The following CHRM3 variants were observed in gnomAD, a reference collection of about 807,000 sequenced individuals.
CHRM3 encodes muscarinic acetylcholine receptor M3.
Under a neutral mutation model 41.8 loss-of-function variants are expected in CHRM3, and 11 were observed. The observed-to-expected ratio is 0.26, with a 90% CI of 0.17 to 0.44. CHRM3 has a LOEUF of 0.44. Ranked by LOEUF, CHRM3 falls within the 20% of genes least tolerant of loss-of-function variation. CHRM3 has a pLI of 1.00. For synonymous variants in CHRM3, 297 were observed against 301.4 expected (o/e 0.99, Z 0.15); for missense variants, 571 against 745.4 (o/e 0.77, Z 2.72).
At chr1:239,521,071 T>C (rs2148265283) in intron 2 of CHRM3, among the ~76,000 whole-genome samples, 1 of 152,370 alleles carries the variant, frequency 6.6e-6, no homozygotes, top group Non-Finnish European at 1.5e-5. Context: ...TATATTTTAT[T>C]ATTCAGATTT....
intron 5 of CHRM3, among the ~76,000 whole-genome samples, chr1:239,756,712 T>C (rs1201043008): frequency 2.0e-5 from 3 of 152,220 alleles, no homozygotes; most frequent in Non-Finnish European, 4.4e-5. Context: ...GTTTTGATTA[T>C]AGAACCATCG....
At chr1:239,584,755 G>A (rs1250887829) in intron 3 of CHRM3, among the ~76,000 whole-genome samples, 1 of 152,084 alleles carries the variant, frequency 6.6e-6, no homozygotes, top group Non-Finnish European at 1.5e-5. Flanking sequence ...CAAGTGTGGT[G>A]ACCATCTTCC....
At chr1:239,809,733 A>G (rs919175243) in intron 5 of CHRM3, among the ~76,000 whole-genome samples, 2 of 151,916 alleles carry the variant, frequency 1.3e-5, no homozygotes, top group African/African-American at 4.8e-5. Flanking sequence ...GCCTGGACTC[A>G]AGCTATCCTC....
intron 3 of CHRM3, among the ~76,000 whole-genome samples, chr1:239,618,702 G>T (rs1490046343): frequency 2.0e-5 from 3 of 150,758 alleles, no homozygotes; most frequent in Middle Eastern, 3.4e-3. Context: ...AAATTAGCTG[G>T]GCGTGGTGGC....
chr1:239,791,050 A>G (rs1463539078), intron 5 of CHRM3, among the ~76,000 whole-genome samples: 6 of 89,086 alleles, frequency 6.7e-5, no homozygotes, highest in South Asian at 6.9e-4. Flanking sequence ...GCTCCTGGAG[A>G]AAAAAAAAAA....
At chr1:239,426,389 A>G (rs924129540) in intron 1 of CHRM3, among the ~76,000 whole-genome samples, 1 of 151,370 alleles carries the variant, frequency 6.6e-6, no homozygotes, top group African/African-American at 2.4e-5. Context: ...AAATGCTACA[A>G]ATCAAGGCTT....
chr1:239,779,760 A>G (rs891019580), intron 5 of CHRM3, among the ~76,000 whole-genome samples: 2 of 152,114 alleles, frequency 1.3e-5, no homozygotes, highest in Non-Finnish European at 2.9e-5. Context: ...GAATAGTGTC[A>G]CCTAAAAATC....
chr1:239,833,567 G>A (rs1313987056), intron 6 of CHRM3, among the ~76,000 whole-genome samples: 1 of 152,138 alleles, frequency 6.6e-6, no homozygotes, highest in African/African-American at 2.4e-5. Flanking sequence ...GTATTCATGG[G>A]ATTTTGGCCT....
intron 5 of CHRM3, among the ~76,000 whole-genome samples, chr1:239,770,308 G>A (rs1432036221): frequency 6.6e-6 from 1 of 152,164 alleles, no homozygotes; most frequent in Non-Finnish European, 1.5e-5. Context: ...ATTTGGCTTT[G>A]TGGCCCTTTC....
chr1:239,416,329 C>G (rs1661500958), intron 1 of CHRM3, among the ~76,000 whole-genome samples: 1 of 151,638 alleles, frequency 6.6e-6, no homozygotes, highest in South Asian at 2.1e-4. Context: ...CAAACCCGCC[C>G]TTGATTGAAA....
At chr1:239,554,970 C>T (rs1572697516) in intron 3 of CHRM3, among the ~76,000 whole-genome samples, 1 of 152,116 alleles carries the variant, frequency 6.6e-6, no homozygotes, top group Admixed American at 6.5e-5. Flanking sequence ...CCTTATGATC[C>T]TCCCACCTTG....
intron 4 of CHRM3, among the ~76,000 whole-genome samples, chr1:239,671,032 G>T (rs2149057703): frequency 6.6e-6 from 1 of 152,280 alleles, no homozygotes; most frequent in Non-Finnish European, 1.5e-5. Context: ...GTGTATGAGA[G>T]TTATAGTTGC....
intron 5 of CHRM3, among the ~76,000 whole-genome samples, chr1:239,723,695 T>A (rs1013717366): frequency 6.6e-6 from 1 of 151,910 alleles, no homozygotes; most frequent in Admixed American, 6.6e-5. Context: ...ATCCCCATCA[T>A]TTGGGGCAAA....
At chr1:239,709,362 G>A (rs988943239) in intron 5 of CHRM3, among the ~76,000 whole-genome samples, 7 of 152,268 alleles carry the variant, frequency 4.6e-5, no homozygotes, top group South Asian at 2.1e-4. Context: ...ACCGACCGCC[G>A]TGTCTAAAAT....
At chr1:239,575,947 T>C (rs893820396) in intron 3 of CHRM3, among the ~76,000 whole-genome samples, 2 of 152,104 alleles carry the variant, frequency 1.3e-5, no homozygotes, top group Non-Finnish European at 2.9e-5. Context: ...CATTAAACAA[T>C]AACTCTCCAT....
At chr1:239,891,949 A>G (rs1016330731) in intron 6 of CHRM3, among the ~76,000 whole-genome samples, 7 of 152,316 alleles carry the variant, frequency 4.6e-5, no homozygotes, top group Admixed American at 4.6e-4. Context: ...TGTCTGATCT[A>G]TCCCATCACA....
At chr1:239,898,857 T>G (rs1307094165) in intron 6 of CHRM3, among the ~76,000 whole-genome samples, 2 of 152,172 alleles carry the variant, frequency 1.3e-5, no homozygotes, top group Non-Finnish European at 2.9e-5. Context: ...TTTTTTAAAT[T>G]TACCTATATA....
At chr1:239,435,950 CT>C (rs1663229655) in intron 1 of CHRM3, among the ~76,000 whole-genome samples, 1 of 152,056 alleles carries the variant, frequency 6.6e-6, no homozygotes, top group Non-Finnish European at 1.5e-5. Flanking sequence ...GAAAACGTTT[CT>C]TTGGGGGCTG....
chr1:239,404,257 C>G (rs1572175947), intron 1 of CHRM3, among the ~76,000 whole-genome samples: 1 of 147,548 alleles, frequency 6.8e-6, no homozygotes, highest in African/African-American at 2.5e-5. Flanking sequence ...CCACTGCACT[C>G]CAGCCTGGGT....
Sources: allele counts gnomAD v4.1 joint callset (sites outside exome capture counted in the v4.1 genomes callset), GRCh38; gene constraint gnomAD v4.1.1; transcripts MANE v1.5; gene names NCBI Gene and HGNC (gene_info 2026-07-23, HGNC 2026-07-21).